Variants in APMAP observed in about 807,000 individuals in gnomAD.
APMAP encodes the protein adipocyte plasma membrane-associated protein.
APMAP carries 33 observed loss-of-function variants against 43.6 expected under a neutral mutation model. The ratio of observed to expected loss-of-function variants is 0.76; its 90% CI spans 0.57 to 1.01. The LOEUF (loss-of-function observed/expected upper bound fraction) is 1.01, where lower values mean the gene tolerates loss of function less well. APMAP is among the 50% of genes least tolerant of loss of function. The probability of loss-of-function intolerance (pLI) is 0.00; values close to 1 mark genes in which losing one functional copy is unlikely to be tolerated. For missense variants in APMAP, 498 were observed against 540.7 expected (o/e 0.92, Z 0.78); for synonymous variants, 224 against 216.7 (o/e 1.03, Z -0.30).
intron 8 of APMAP, among the ~76,000 whole-genome samples, chr20:24,967,259 C>T (rs548608721): frequency 6.6e-6 from 1 of 152,342 alleles, no homozygotes; most frequent in East Asian, 1.9e-4. Context: ...CACGCCACTG[C>T]ACTCCATCCT....
At chr20:24,976,791 T>C (rs1451370934) in intron 3 of APMAP, among the ~76,000 whole-genome samples, 1 of 152,220 alleles carries the variant, frequency 6.6e-6, no homozygotes, top group African/African-American at 2.4e-5. Flanking sequence ...CAAGATGTAC[T>C]TCAGTAGGTA....
intron 8 of APMAP, among the ~76,000 whole-genome samples, chr20:24,965,545 G>A (rs1044368354): frequency 1.3e-5 from 2 of 152,112 alleles, no homozygotes; most frequent in African/African-American, 2.4e-5. Context: ...GGCCTGGCAC[G>A]GGCTGTCAGG....
At chr20:24,981,677 C>G (rs750435748) in intron 2 of APMAP, among the ~76,000 whole-genome samples, 2 of 152,234 alleles carry the variant, frequency 1.3e-5, no homozygotes, top group African/African-American at 4.8e-5. Flanking sequence ...TCTAACAGTA[C>G]TGCAACTTTC....
chr20:24,971,672 T>C (rs969593618), intron 4 of APMAP, 96 bp from the exon 5 acceptor site: 28 of 1,014,896 alleles, frequency 2.8e-5, no homozygotes, highest in Non-Finnish European at 4.2e-5. Flanking sequence ...TTCCCATACA[T>C]CATGCTGTAC....
chr20:24,980,617 G>T (rs959142667), intron 2 of APMAP, among the ~76,000 whole-genome samples: 4 of 150,392 alleles, frequency 2.7e-5, no homozygotes, highest in African/African-American at 9.8e-5. Flanking sequence ...GGCAGTGCAG[G>T]GCCACCACAG....
At chr20:24,973,609 T>C in intron 4 of APMAP, 36 bp downstream of exon 4, 1 of 1,574,322 alleles carries the variant, frequency 6.4e-7, no homozygotes, top group Non-Finnish European at 8.7e-7. Flanking sequence ...TCTGAAAGAC[T>C]GGAAGAGACA....
At chr20:24,979,712 AT>A (rs2088084523) in intron 2 of APMAP, among the ~76,000 whole-genome samples, 1 of 151,920 alleles carries the variant, frequency 6.6e-6, no homozygotes, top group Non-Finnish European at 1.5e-5. Flanking sequence ...ACCTTCCTCT[AT>A]TCAGAGCCCC....
At chr20:24,978,538 A>G (rs1477551512) in intron 3 of APMAP, among the ~76,000 whole-genome samples, 3 of 152,248 alleles carry the variant, frequency 2.0e-5, no homozygotes, top group Non-Finnish European at 4.4e-5. Flanking sequence ...TGAATTCAAA[A>G]TCACCCAGTG....
intron 1 of APMAP, among the ~76,000 whole-genome samples, chr20:24,991,763 C>T (rs1318467329): frequency 1.3e-5 from 2 of 152,202 alleles, no homozygotes; most frequent in East Asian, 1.9e-4. Context: ...TTATGAAATT[C>T]AGGACACAGA....
intron 8 of APMAP, among the ~76,000 whole-genome samples, chr20:24,968,523 G>A (rs6138437): frequency 0.49 from 73,921 of 152,030 alleles, 19,349 homozygotes; most frequent in East Asian, 0.92. Flanking sequence ...GGAGAGCACA[G>A]AAGGCCTGGC....
At chr20:24,979,298 G>A (rs945244749) in intron 2 of APMAP, among the ~76,000 whole-genome samples, 9 of 152,168 alleles carry the variant, frequency 5.9e-5, no homozygotes, top group Non-Finnish European at 1.2e-4. Flanking sequence ...ACCCGGCCTC[G>A]TATTTCACAG....
intron 5 of APMAP, 52 bp downstream of exon 5, chr20:24,971,408 T>C: frequency 6.8e-7 from 1 of 1,480,710 alleles, no homozygotes; most frequent in Non-Finnish European, 9.4e-7. Context: ...ATACATATAT[T>C]GTTTAAAAGA....
At chr20:24,988,307 C>T (rs2088164906) in intron 1 of APMAP, among the ~76,000 whole-genome samples, 1 of 152,214 alleles carries the variant, frequency 6.6e-6, no homozygotes, top group African/African-American at 2.4e-5. Context: ...TACCACACTG[C>T]AGCTTATATT....
At chr20:24,981,653 G>T (rs2088105525) in intron 2 of APMAP, among the ~76,000 whole-genome samples, 1 of 152,212 alleles carries the variant, frequency 6.6e-6, no homozygotes, top group South Asian at 2.1e-4. Context: ...TCACCCGATA[G>T]TAAAATGTGT....
intron 4 of APMAP, among the ~76,000 whole-genome samples, chr20:24,972,690 AG>A (rs973891215): frequency 2.1e-5 from 3 of 140,510 alleles, no homozygotes; most frequent in Non-Finnish European, 3.0e-5. Context: ...GCTCATTGCA[AG>A]TACCACTGCA....
At chr20:24,967,687 T>C (rs2087957791) in intron 8 of APMAP, among the ~76,000 whole-genome samples, 1 of 152,240 alleles carries the variant, frequency 6.6e-6, no homozygotes, top group African/African-American at 2.4e-5. Flanking sequence ...GCACTATTAT[T>C]CTTTCCACTT....
At position 24,963,870 on chromosome 20, in the gene APMAP, C is replaced by T. The variant is rs148619824; in HGVS notation, c.1194G>A (p.Leu398=). ...ISEVHEHDGH[L]YLGSFRSPFL... is the part of the protein sequence containing the mutation. Reference sequence around the variant, plus strand: ...AGGGGGACCTGAAAGAGCCCAGGTACAGGTGCCCATCGTGTTCGTGCACCT... The same window carrying T: ...AGGGGGACCTGAAAGAGCCCAGGTATAGGTGCCCATCGTGTTCGTGCACCT... Residue 398 remains leucine (L), a synonymous_variant, in exon 9 of 9, where the codon CTG becomes CTA. Transcript: ENST00000217456. The T allele has an allele frequency of 6.2e-7, 1 of 1,614,240 alleles. No homozygotes were observed. Among genetic ancestry groups the T allele is most frequent in the Non-Finnish European group, 8.5e-7 (1 of 1,180,044 alleles).
In APMAP at chr20:24,983,943, T is replaced by C. The variant is rs1449614949; in HGVS notation, c.172A>G (p.Met58Val). Residue 58 changes from methionine to valine, a missense_variant, in exon 2 of 9, where the codon ATG (methionine) becomes GTG (valine). Met to Val is a conservative substitution (Grantham distance 21). Coordinates refer to ENST00000217456, the MANE Select transcript of APMAP (RefSeq NM_020531.3). ...VSLTVPLLGA[M>V]MLLESPIDPQ... is the part of the protein sequence containing the mutation. ...TCTATAGGAGATTCCAGCAGCATCA[T>C]GGCTCCAAGCAGGGGAACGGTGAGA... 2 of 1,613,878 alleles carry C rather than the reference T, an allele frequency of 1.2e-6. No homozygotes were observed. Among genetic ancestry groups the C allele is most frequent in the East Asian group, 2.2e-5 (1 of 44,886 alleles).
intron 1 of APMAP, among the ~76,000 whole-genome samples, chr20:24,985,652 C>T (rs2122526797): frequency 6.6e-6 from 1 of 152,206 alleles, no homozygotes; most frequent in Non-Finnish European, 1.5e-5. Context: ...TGGGGTGTTG[C>T]TGTAACAGAT....
Sources: gnomAD v4.1 joint callset for allele counts (sites outside exome capture counted in the v4.1 genomes callset) on GRCh38, gnomAD v4.1.1 for gene constraint, MANE v1.5 for transcripts, NCBI Gene and HGNC (gene_info 2026-07-23, HGNC 2026-07-21) for gene names.